DNAH7: variants seen among roughly 807,000 people sequenced by gnomAD.
DNAH7 encodes the protein axonemal beta dynein heavy chain 7.
Under a neutral mutation model 444.6 loss-of-function variants are expected in DNAH7, and 397 were observed. That is an observed-to-expected ratio of 0.89 (90% CI 0.82 to 0.97). The LOEUF is 0.97. DNAH7 is among the 50% of genes least tolerant of loss of function. The pLI is 0.00. For missense variants in DNAH7, 4,902 were observed against 4,800.8 expected, an observed-to-expected ratio of 1.02 and a Z score of -0.62; for synonymous variants, 1,636 against 1,624.4, an observed-to-expected ratio of 1.01 and a Z score of -0.17.
chr2:195,738,095 T>C lies in DNAH7; in HGVS notation c.11901A>G (p.Ile3967Met). The C allele has an allele frequency of 6.2e-7, 1 of 1,613,914 alleles. No homozygotes were observed. Among genetic ancestry groups the C allele is most frequent in the Non-Finnish European group, 8.5e-7 (1 of 1,179,822 alleles). ...MWLKPCKRAD[I>M]PKRPSYVAPL... is the part of the protein sequence containing the mutation. ...GAGCAACATAACTTGGCCGTTTTGG[T>C]ATATCTGCCCTCTTACAGGGCTTTA... The change falls in exon 65 of 65, where the codon ATA (isoleucine) becomes ATG (methionine). Residue 3967 changes from isoleucine (I) to methionine (M), a missense_variant. By Grantham distance (10) the Ile-to-Met change is conservative. Transcript: ENST00000312428.
chr2:195,745,430 T>C (rs1042153067), intron 63 of DNAH7, among the ~76,000 whole-genome samples: 14 of 152,338 alleles, frequency 9.2e-5, no homozygotes, highest in African/African-American at 3.4e-4. Context: ...GAAAACACTC[T>C]GCAGGATGTT....
At position 196,043,915 on chromosome 2, in the gene DNAH7, C is replaced by T. The variant is rs1042200397; in HGVS notation, c.398+3437G>A. 5.3e-5 allele frequency among the ~76,000 whole-genome samples: 8 copies of T among 151,984 alleles called. No individual in the cohort carries two copies. The South Asian group carries it at 6.2e-4, about 12-fold the overall frequency. ...AAAATCAAAAAATAATAGATGTTGG[C>T]GTGGATGTGTTGAAAAGGGAACACT... On this transcript the variant is annotated intron_variant, in intron 5 of 64. Transcript: ENST00000312428.
At chr2:195,969,070 T>C (rs559051034) in intron 17 of DNAH7, among the ~76,000 whole-genome samples, 3 of 152,266 alleles carry the variant, frequency 2.0e-5, no homozygotes, top group Admixed American at 1.3e-4. Context: ...TTCAGTGATA[T>C]GAAGTTAAAA....
At chr2:195,985,838 G>A (rs1016902526) in intron 14 of DNAH7, among the ~76,000 whole-genome samples, 3 of 152,166 alleles carry the variant, frequency 2.0e-5, no homozygotes, top group African/African-American at 7.2e-5. Context: ...GCTTTAAGCT[G>A]AAAATATGAT....
At chr2:195,814,171 C>A (rs1050579410) in intron 51 of DNAH7, among the ~76,000 whole-genome samples, 2 of 152,272 alleles carry the variant, frequency 1.3e-5, no homozygotes, top group Middle Eastern at 6.8e-3. Flanking sequence ...CTTCTGATTT[C>A]TGCACGTTTC....
intron 15 of DNAH7, among the ~76,000 whole-genome samples, chr2:195,978,934 T>C (rs1017222127): frequency 6.6e-6 from 1 of 152,108 alleles, no homozygotes; most frequent in African/African-American, 2.4e-5. Context: ...GCAAATATTA[T>C]TAGAGCTAAA....
In DNAH7 at chr2:196,068,712, G is replaced by A. The variant is rs1318427758; in HGVS notation, c.-1C>T. ...GCCCTCTCACCTGCTCACTGCTCATGGCTGCGAGGACGCGCTGGCCTCACC... is the reference window on the plus strand; with the variant it reads ...GCCCTCTCACCTGCTCACTGCTCATAGCTGCGAGGACGCGCTGGCCTCACC... On this transcript the variant is annotated 5_prime_UTR_variant, in exon 1 of 65. Coordinates refer to ENST00000312428, the MANE Select transcript of DNAH7 (RefSeq NM_018897.3). 3.2e-6 allele frequency: 5 copies of A among 1,551,578 alleles called. No individual in the cohort carries two copies. The South Asian group carries it at 4.8e-5, about 15-fold the overall frequency.
intron 19 of DNAH7, among the ~76,000 whole-genome samples, chr2:195,954,570 A>C (rs1394756863): frequency 1.3e-5 from 2 of 152,174 alleles, no homozygotes; most frequent in African/African-American, 4.8e-5. Flanking sequence ...GTCAAATGGT[A>C]TTTCTAGTTC....
At chr2:196,066,220 G>A (rs1347880898) in intron 1 of DNAH7, among the ~76,000 whole-genome samples, 5 of 152,144 alleles carry the variant, frequency 3.3e-5, no homozygotes, top group Non-Finnish European at 7.3e-5. Context: ...AATGTGTCTG[G>A]TTAAATCAAC....
chr2:195,821,639 C>T (rs572239343), intron 49 of DNAH7, among the ~76,000 whole-genome samples: 69 of 152,184 alleles, frequency 4.5e-4, no homozygotes, highest in Middle Eastern at 3.4e-3. Context: ...GACCGAAGAG[C>T]AGAACGTATG....
chr2:195,773,536 G>A (rs913687392), intron 60 of DNAH7, among the ~76,000 whole-genome samples: 13 of 151,960 alleles, frequency 8.6e-5, no homozygotes, highest in Non-Finnish European at 1.2e-4. Flanking sequence ...ACATGATTAC[G>A]GTGATAGGTT....
At chr2:195,936,505 A>C in intron 20 of DNAH7, 94 bp downstream of exon 20, 1 of 761,254 alleles carries the variant, frequency 1.3e-6, no homozygotes, top group Non-Finnish European at 2.0e-6. Flanking sequence ...AATATTATAT[A>C]AACATGATTA....
At chr2:196,052,224 C>T (rs1218404335) in intron 2 of DNAH7, among the ~76,000 whole-genome samples, 2 of 152,172 alleles carry the variant, frequency 1.3e-5, no homozygotes. Flanking sequence ...GAATCTAAGG[C>T]TTTGGGGAAG....
chr2:195,961,229 CTGA>C (rs1467187570), intron 17 of DNAH7, among the ~76,000 whole-genome samples: 1 of 152,088 alleles, frequency 6.6e-6, no homozygotes, highest in African/African-American at 2.4e-5. Flanking sequence ...ACCTCACACA[CTGA>C]TTTTTTTGTA....
At chr2:195,986,467 G>A (rs1692916887) in intron 14 of DNAH7, among the ~76,000 whole-genome samples, 1 of 152,122 alleles carries the variant, frequency 6.6e-6, no homozygotes, top group South Asian at 2.1e-4. Flanking sequence ...CCATGTAACT[G>A]ATGCTAGTCG....
intron 61 of DNAH7, among the ~76,000 whole-genome samples, chr2:195,757,884 G>A (rs888084548): frequency 7.9e-5 from 12 of 152,094 alleles, no homozygotes; most frequent in Admixed American, 7.2e-4. Context: ...TTCCTCCCCC[G>A]CCCCAAAAAC....
chr2:195,872,064 T>A (rs1188643510), intron 40 of DNAH7, among the ~76,000 whole-genome samples, 186 bp downstream of exon 40: 1 of 151,268 alleles, frequency 6.6e-6, no homozygotes, highest in Non-Finnish European at 1.5e-5. Context: ...GATAAAGCAT[T>A]TTAAACATCA....
At chr2:195,974,435 T>C (rs1029638059) in intron 15 of DNAH7, among the ~76,000 whole-genome samples, 5 of 152,190 alleles carry the variant, frequency 3.3e-5, no homozygotes, top group African/African-American at 1.2e-4. Context: ...TTTTAAAATA[T>C]AGAAATATTT....
chr2:195,789,590 G>A lies in DNAH7; in HGVS notation c.10717-2419C>T, dbSNP rs548303718. On this transcript the variant is annotated intron_variant, in intron 57 of 64. Coordinates refer to ENST00000312428, the MANE Select transcript of DNAH7 (RefSeq NM_018897.3). ...CTGATTATTCCTGGCAAAGGAGAAA[G>A]CAGTTATTATACAGTGAGGAAATAA... Among the ~76,000 whole-genome samples the A allele has an allele frequency of 1.1e-4, 16 of 152,220 alleles. No individual in the cohort carries two copies. In the East Asian group the frequency reaches 2.7e-3, roughly 26 times the overall value.
Sources: allele counts gnomAD v4.1 joint callset (sites outside exome capture counted in the v4.1 genomes callset), GRCh38; gene constraint gnomAD v4.1.1; transcripts MANE v1.5; gene names NCBI Gene and HGNC (gene_info 2026-07-23, HGNC 2026-07-21).